The following WDSUB1 variants were observed in gnomAD, a reference collection of about 807,000 sequenced individuals.
The protein encoded by WDSUB1 is WD repeat, sterile alpha motif and U-box domain containing 1.
Under a neutral mutation model 53.9 loss-of-function variants are expected in WDSUB1, and 49 were observed. That is an observed-to-expected ratio of 0.91 (90% CI 0.72 to 1.15). WDSUB1 has a LOEUF of 1.15. WDSUB1 is among the 50% of genes most tolerant of loss of function. The pLI is 0.00. For missense variants in WDSUB1, 514 were observed against 562.0 expected, an observed-to-expected ratio of 0.91 and a Z score of 0.86; for synonymous variants, 194 against 200.6, an observed-to-expected ratio of 0.97 and a Z score of 0.28.
intron 4 of WDSUB1, among the ~76,000 whole-genome samples, 199 bp from the exon 5 acceptor site, chr2:159,271,994 AAAGAATAAAGT>A: frequency 6.6e-6 from 1 of 152,250 alleles, no homozygotes; most frequent in African/African-American, 2.4e-5. Flanking sequence ...TCTGTTGACT[AAAGAATAAAGT>A]CAAATTTTTA....
Position 159,279,879 on chromosome 2 carries a change from G to A in WDSUB1, c.465C>T (p.Val155=). 1 of 1,612,604 alleles carries A rather than the reference G, an allele frequency of 6.2e-7. No homozygotes were observed. Among genetic ancestry groups the A allele is most frequent in the South Asian group, 1.1e-5 (1 of 90,938 alleles). The change falls in exon 3 of 11, where the codon GTC becomes GTT. Residue 155 remains valine, a synonymous_variant. Coordinates refer to ENST00000359774, the MANE Select transcript of WDSUB1 (RefSeq NM_001128212.3). ...CAFSPNGSFF[V]TGSSCGDLTV... is the part of the protein sequence containing the mutation. ...TTAAATCACCACATGAGGAGCCAGT[G>A]ACAAAGAAGCTTCCATTAGGAGAAA...
chr2:159,263,960 A>G (rs1216901238), intron 5 of WDSUB1, among the ~76,000 whole-genome samples: 1 of 152,166 alleles, frequency 6.6e-6, no homozygotes, highest in African/African-American at 2.4e-5. Flanking sequence ...TACATTCTCC[A>G]TTTTATAGTC....
At chr2:159,242,217 AT>A (rs1188394214) in intron 10 of WDSUB1, among the ~76,000 whole-genome samples, 4 of 145,506 alleles carry the variant, frequency 2.7e-5, no homozygotes, top group South Asian at 2.2e-4. Flanking sequence ...CACCCAGCTA[AT>A]TTTTTTTTAA....
chr2:159,240,587 A>G (rs753923996), intron 10 of WDSUB1, among the ~76,000 whole-genome samples: 8 of 152,220 alleles, frequency 5.3e-5, no homozygotes, highest in Non-Finnish European at 1.0e-4. Context: ...GCCAAACAGC[A>G]TATCATTAGA....
intron 4 of WDSUB1, among the ~76,000 whole-genome samples, chr2:159,275,053 C>T (rs532521075): frequency 6.6e-6 from 1 of 152,112 alleles, no homozygotes; most frequent in Non-Finnish European, 1.5e-5. Flanking sequence ...AGAATCAATT[C>T]AGGAGGCCCA....
intron 10 of WDSUB1, among the ~76,000 whole-genome samples, chr2:159,244,859 G>T (rs1213651093): frequency 6.6e-6 from 1 of 152,194 alleles, no homozygotes; most frequent in South Asian, 2.1e-4. Context: ...GAGCCCAGGA[G>T]GTCGAAACTG....
intron 3 of WDSUB1, 150 bp from the exon 4 acceptor site, chr2:159,275,788 G>T: frequency 1.6e-6 from 1 of 616,976 alleles, no homozygotes; most frequent in Non-Finnish European, 2.7e-6. Context: ...ACAAAATGCT[G>T]ATTAAAGAAT....
At position 159,246,011 on chromosome 2, in the gene WDSUB1, T is replaced by TAAGA. The variant is rs151049602; in HGVS notation, c.1273+2357_1273+2360dup. Among the ~76,000 whole-genome samples, 319 of 152,282 alleles carry TAAGA rather than the reference T, an allele frequency of 2.1e-3. 2 individuals carry two copies. The highest frequency in any genetic ancestry group is 7.5e-3 in the African/African-American group (312 of 41,560). On this transcript the variant is annotated intron_variant, in intron 10 of 10. Coordinates refer to ENST00000359774, the MANE Select transcript of WDSUB1 (RefSeq NM_001128212.3). ...TGCATCTAAAGAACTCACAACACAG[T>TAAGA]AAGATAATCCAACATGAAATGGGGA...
intron 3 of WDSUB1, among the ~76,000 whole-genome samples, chr2:159,277,217 G>A (rs1247015735): frequency 6.6e-6 from 1 of 152,060 alleles, no homozygotes; most frequent in Non-Finnish European, 1.5e-5. Context: ...TATTTCAATA[G>A]CATTTTTGTT....
rs550664736 is a variant in WDSUB1, at chr2:159,256,307, G to A, written c.1021C>T (p.Leu341Phe). ...AGATCTTTTAAATCTTGTGCACAAAGCCATGTTGAGACATCCTCCTCTGAC... is the reference window on the plus strand; with the variant it reads ...AGATCTTTTAAATCTTGTGCACAAAACCATGTTGAGACATCCTCCTCTGAC... ...DWSEEDVSTW[L>F]CAQDLKDLVG... The change falls in exon 9 of 11, where the codon CTT becomes TTT. Residue 341 changes from leucine (L) to phenylalanine (F), a missense_variant. Transcript: ENST00000359774. 9 of 1,612,360 alleles carry A rather than the reference G, an allele frequency of 5.6e-6. No individual in the cohort carries two copies. The South Asian group carries it at 7.7e-5, about 14-fold the overall frequency.
At chr2:159,266,477 C>T (rs2061350946) in intron 5 of WDSUB1, among the ~76,000 whole-genome samples, 1 of 152,152 alleles carries the variant, frequency 6.6e-6, no homozygotes, top group African/African-American at 2.4e-5. Context: ...CGTGAGCCAC[C>T]GCGCCTGGCC....
intron 9 of WDSUB1, among the ~76,000 whole-genome samples, chr2:159,249,965 T>C (rs1020925176): frequency 6.6e-6 from 1 of 150,442 alleles, no homozygotes; most frequent in African/African-American, 2.4e-5. Context: ...GGCACATGCC[T>C]GTAATCCCAG....
At chr2:159,238,174 AT>A (rs2060538699) in intron 10 of WDSUB1, among the ~76,000 whole-genome samples, 1 of 151,964 alleles carries the variant, frequency 6.6e-6, no homozygotes, top group Admixed American at 6.6e-5. Context: ...TTTTTTGCCC[AT>A]TTTTCTACTA....
chr2:159,285,607 G>A (rs1267165741), intron 1 of WDSUB1, among the ~76,000 whole-genome samples: 1 of 152,146 alleles, frequency 6.6e-6, no homozygotes, highest in East Asian at 1.9e-4. Context: ...TCGAGAAGCT[G>A]AGGCGGGAGC....
chr2:159,274,500 A>G (rs888150113), intron 4 of WDSUB1, among the ~76,000 whole-genome samples: 1 of 152,212 alleles, frequency 6.6e-6, no homozygotes, highest in Admixed American at 6.5e-5. Context: ...GACTGACTGT[A>G]TACAGACCAT....
At chr2:159,238,699 T>C (rs2060555789) in intron 10 of WDSUB1, among the ~76,000 whole-genome samples, 1 of 152,234 alleles carries the variant, frequency 6.6e-6, no homozygotes, top group East Asian at 1.9e-4. Flanking sequence ...ACACATTCAC[T>C]TATGGAGGTT....
chr2:159,271,654 T>C (rs758930122), intron 5 of WDSUB1, 48 bp downstream of exon 5: 4 of 1,488,990 alleles, frequency 2.7e-6, no homozygotes, highest in Non-Finnish European at 3.7e-6. Context: ...GTGTGTCTGT[T>C]TGATTTCATA....
intron 5 of WDSUB1, among the ~76,000 whole-genome samples, chr2:159,269,954 T>G (rs1050004466): frequency 2.0e-5 from 3 of 152,228 alleles, no homozygotes. Flanking sequence ...AGACAAGGCC[T>G]GTTATTGCCA....
rs2061608789 is a variant in WDSUB1 at position 159,279,580 on chromosome 2, T to TAAGA, written c.583+180_583+181insTCTT. On this transcript the variant is annotated intron_variant, in intron 3 of 10. Transcript: ENST00000359774. ...AAAAAGAATGCAATTTTCTCATATA[T>TAAGA]TTTTTCATGATTTCATTTTTGGTCA... Among the ~76,000 whole-genome samples, 6 of 152,278 alleles carry TAAGA rather than the reference T, an allele frequency of 3.9e-5. No homozygotes were observed. In the South Asian group the frequency reaches 1.2e-3, roughly 32 times the overall value.
Sources: allele counts gnomAD v4.1 joint callset (sites outside exome capture counted in the v4.1 genomes callset), GRCh38; gene constraint gnomAD v4.1.1; transcripts MANE v1.5; gene names NCBI Gene and HGNC (gene_info 2026-07-23, HGNC 2026-07-21).